Variants in PRTFDC1 observed in about 807,000 individuals in gnomAD.
The protein encoded by PRTFDC1 is phosphoribosyl transferase domain containing 1.
A neutral mutation model predicts 34.6 loss-of-function variants in PRTFDC1; 38 were observed. The ratio of observed to expected loss-of-function variants is 1.10; its 90% confidence interval spans 0.85 to 1.44. PRTFDC1 has a LOEUF of 1.44. PRTFDC1 is among the 40% of genes most tolerant of loss of function. The pLI is 0.00. For synonymous variants in PRTFDC1, 93 were observed against 98.1 expected (o/e 0.95, Z 0.31); for missense variants, 270 against 283.0 (o/e 0.95, Z 0.33).
intron 3 of PRTFDC1, among the ~76,000 whole-genome samples, chr10:24,920,941 C>G (rs1848778447): frequency 6.6e-6 from 1 of 152,118 alleles, no homozygotes; most frequent in South Asian, 2.1e-4. Flanking sequence ...AACACTGCCT[C>G]AAAGCATCTA....
intron 2 of PRTFDC1, among the ~76,000 whole-genome samples, chr10:24,939,585 G>A (rs1272210768): frequency 6.6e-6 from 1 of 151,720 alleles, no homozygotes; most frequent in Non-Finnish European, 1.5e-5. Context: ...TTCAGGTCAG[G>A]AGATCAAGAC....
intron 3 of PRTFDC1, among the ~76,000 whole-genome samples, chr10:24,919,242 G>C (rs1232952980): frequency 6.6e-6 from 1 of 151,982 alleles, no homozygotes; most frequent in African/African-American, 2.4e-5. Flanking sequence ...ATACTATAAG[G>C]CTATAGTAAC....
In PRTFDC1 at chr10:24,867,691, T is replaced by G. The variant is rs554528728; in HGVS notation, c.405+4307A>C. The G allele has an allele frequency of 2.0e-5, 3 of 152,268 alleles. 1 individual carries two copies. In the South Asian group the frequency reaches 6.2e-4, roughly 32 times the overall value. The allele number at this position is 152,268 out of a possible 1,614,324, so 9.4% of individuals were successfully genotyped here. On this transcript the variant is annotated intron_variant, in intron 4 of 8. Transcript: ENST00000320152. ...TTAAGTTTTATTCTTGTTGTAGGCT[T>G]TGTGGAATTTTCTTCAAAGCCGTCA...
chr10:24,939,793 C>CAAAAAAA (rs55974992), intron 2 of PRTFDC1, among the ~76,000 whole-genome samples: 33 of 71,514 alleles, frequency 4.6e-4, no homozygotes, highest in East Asian at 2.4e-3. Context: ...GACTCTATCT[C>CAAAAAAA]AAAAAAAAAA....
At chr10:24,855,952 A>G (rs1847566162) in intron 6 of PRTFDC1, among the ~76,000 whole-genome samples, 1 of 151,796 alleles carries the variant, frequency 6.6e-6, no homozygotes, top group African/African-American at 2.4e-5. Context: ...CATCTTTACT[A>G]AAAATACAAA....
intron 3 of PRTFDC1, among the ~76,000 whole-genome samples, chr10:24,885,185 T>C (rs1848145376): frequency 6.6e-6 from 1 of 152,236 alleles, no homozygotes; most frequent in Non-Finnish European, 1.5e-5. Context: ...GATCTGCCTT[T>C]GTATTCTCGT....
intron 3 of PRTFDC1, among the ~76,000 whole-genome samples, chr10:24,914,297 G>A (rs371897590): frequency 6.9e-4 from 105 of 152,250 alleles, no homozygotes; most frequent in African/African-American, 2.4e-3. Context: ...TTTGGTCTGA[G>A]TTACTATGAA....
At chr10:24,896,812 C>T (rs908239446) in intron 3 of PRTFDC1, among the ~76,000 whole-genome samples, 6 of 152,206 alleles carry the variant, frequency 3.9e-5, no homozygotes, top group Non-Finnish European at 5.9e-5. Flanking sequence ...GTGTACCTTT[C>T]GCCTGTAATC....
intron 3 of PRTFDC1, among the ~76,000 whole-genome samples, chr10:24,876,768 C>T (rs1025246881): frequency 2.6e-5 from 4 of 152,022 alleles, no homozygotes; most frequent in South Asian, 4.2e-4. Flanking sequence ...AGGCTGGTCT[C>T]GAACTCCTGG....
intron 3 of PRTFDC1, among the ~76,000 whole-genome samples, chr10:24,894,377 G>A (rs1420681032): frequency 1.3e-5 from 2 of 151,450 alleles, no homozygotes; most frequent in African/African-American, 4.9e-5. Context: ...GGAGGGCACT[G>A]CTGGCCCTTT....
chr10:24,940,311 T>C (rs1324198326), intron 2 of PRTFDC1, among the ~76,000 whole-genome samples: 2 of 152,108 alleles, frequency 1.3e-5, no homozygotes, highest in Admixed American at 1.3e-4. Context: ...GGAGTAAATA[T>C]TTGCAAATCA....
chr10:24,908,774 T>C (rs1438245843), intron 3 of PRTFDC1: 1 of 1,445,116 alleles, frequency 6.9e-7, no homozygotes, highest in Non-Finnish European at 9.1e-7. Flanking sequence ...TAGCGATCAA[T>C]GGGGTGACTG....
chr10:24,938,228 CA>C (rs376516693), intron 2 of PRTFDC1, among the ~76,000 whole-genome samples: 109 of 133,508 alleles, frequency 8.2e-4, no homozygotes, highest in Middle Eastern at 3.7e-3. Context: ...GGCTCCTTCT[CA>C]AAAAAAAAAA....
chr10:24,893,879 A>G (rs1271569745), intron 3 of PRTFDC1, among the ~76,000 whole-genome samples: 1 of 152,172 alleles, frequency 6.6e-6, no homozygotes, highest in Non-Finnish European at 1.5e-5. Flanking sequence ...ATCCATACAA[A>G]TCAACTTGGC....
intron 3 of PRTFDC1, among the ~76,000 whole-genome samples, chr10:24,909,574 T>C (rs1221436928): frequency 1.3e-5 from 2 of 152,180 alleles, no homozygotes; most frequent in African/African-American, 2.4e-5. Context: ...TTTAAAATAT[T>C]GCATATATAT....
chr10:24,914,322 C>T (rs1030533891), intron 3 of PRTFDC1, among the ~76,000 whole-genome samples: 17 of 152,162 alleles, frequency 1.1e-4, no homozygotes, highest in Non-Finnish European at 5.9e-5. Context: ...AAAAGAGAGT[C>T]ATAGTGTACT....
intron 3 of PRTFDC1, among the ~76,000 whole-genome samples, chr10:24,930,890 G>A (rs566748036): frequency 6.6e-6 from 1 of 152,174 alleles, no homozygotes; most frequent in African/African-American, 2.4e-5. Context: ...CCCTTAAGAG[G>A]TGCTGTTTAG....
At chr10:24,940,758 C>T (rs1849141625) in intron 2 of PRTFDC1, among the ~76,000 whole-genome samples, 1 of 152,068 alleles carries the variant, frequency 6.6e-6, no homozygotes, top group Non-Finnish European at 1.5e-5. Flanking sequence ...GAAGCATTTC[C>T]ACAATAGCCA....
chr10:24,851,544 G>A lies in PRTFDC1; in HGVS notation c.554-80C>T, dbSNP rs561996368. The A allele has an allele frequency of 1.1e-3, 1,719 of 1,552,886 alleles. 2 individuals carry two copies. The highest frequency in any genetic ancestry group is 2.2e-3 in the South Asian group (176 of 81,368). The stretch of plus-strand genomic sequence containing the variant: ...ATGCAAGTCACCATATGCTGCTGTC[G>A]CCACTCAAACTTGAGGACCTTTCAT... On this transcript the variant is annotated intron_variant, in intron 7 of 8. Transcript: ENST00000320152.
Sources: gnomAD v4.1 joint callset for allele counts (sites outside exome capture counted in the v4.1 genomes callset) on GRCh38, gnomAD v4.1.1 for gene constraint, MANE v1.5 for transcripts, NCBI Gene and HGNC (gene_info 2026-07-23, HGNC 2026-07-21) for gene names.